The following TTC34 variants were observed in gnomAD, a reference collection of about 807,000 sequenced individuals.
TTC34 encodes tetratricopeptide repeat protein 34.
TTC34 carries 44 observed loss-of-function variants against 40.7 expected under a neutral mutation model. That is an observed-to-expected ratio of 1.08 (90% CI 0.85 to 1.39). TTC34 has a LOEUF of 1.39. Ranked by LOEUF, TTC34 falls within the 40% of genes most tolerant of loss-of-function variation. TTC34 has a pLI of 0.00. For missense variants in TTC34, 884 were observed against 838.0 expected (o/e 1.05, Z -0.68); for synonymous variants, 422 against 398.6 (o/e 1.06, Z -0.70).
rs1436895589 is a variant in TTC34, at chr1:2,681,627, C to T, written c.2227-36064G>A. 5.3e-5 allele frequency among the ~76,000 whole-genome samples: 4 copies of T among 75,930 alleles called. 2 individuals carry two copies. The highest frequency in any genetic ancestry group is 2.5e-4 in the Admixed American group (2 of 7,946). The allele number at this position is 75,930 out of a possible 152,430, so 49.8% of individuals were successfully genotyped here. Reference sequence around the variant, plus strand: ...GACAGCCTGGAACCGCAGCCACACCCCCAGCGAGCACCTGACAGCCTGGAG... The same window carrying T: ...GACAGCCTGGAACCGCAGCCACACCTCCAGCGAGCACCTGACAGCCTGGAG... On this transcript the variant is annotated intron_variant, in intron 6 of 8. Coordinates refer to ENST00000401095, the Ensembl canonical transcript of TTC34.
chr1:2,788,733 T>C (rs1455710247), intron 3 of TTC34, among the ~76,000 whole-genome samples: 2 of 152,176 alleles, frequency 1.3e-5, no homozygotes, highest in Non-Finnish European at 2.9e-5. Flanking sequence ...ACCCGGGAAC[T>C]GCATGCCTGT....
intron 6 of TTC34, among the ~76,000 whole-genome samples, chr1:2,749,401 CA>C (rs1641244015): frequency 1.0e-5 from 1 of 98,658 alleles, no homozygotes; most frequent in Non-Finnish European, 2.0e-5. Flanking sequence ...CAGCACCCTG[CA>C]CCCCCAGGTG....
At chr1:2,751,446 C>CA (rs1641316373) in intron 6 of TTC34, among the ~76,000 whole-genome samples, 2 of 39,398 alleles carry the variant, frequency 5.1e-5, no homozygotes, top group Admixed American at 3.8e-4. Flanking sequence ...AGAGCCCAGA[C>CA]CCCCAGGTGA....
At chr1:2,779,532 C>T (rs891811784) in intron 6 of TTC34, among the ~76,000 whole-genome samples, 9 of 152,018 alleles carry the variant, frequency 5.9e-5, no homozygotes, top group African/African-American at 2.2e-4. Flanking sequence ...ACCGTGTTAG[C>T]CAGGATGGTC....
chr1:2,748,712 A>C (rs1315555945), intron 6 of TTC34, among the ~76,000 whole-genome samples: 23 of 1,452 alleles, frequency 0.016, no homozygotes, highest in African/African-American at 0.024. Context: ...CCTGGAACAG[A>C]ACCCACACCT....
At chr1:2,641,702 C>T (rs934450401) in exon 9 of TTC34, 5 of 1,535,418 alleles carry the variant, frequency 3.3e-6, no homozygotes, top group Non-Finnish European at 3.5e-6. Flanking sequence ...GTCACCATCC[C>T]CCAGCGCCTC....
chr1:2,756,819 A>T (rs1641522583), intron 6 of TTC34, among the ~76,000 whole-genome samples: 1 of 151,542 alleles, frequency 6.6e-6, no homozygotes. Flanking sequence ...CTGGAGCAGA[A>T]CCCACACCCC....
exon 3 of TTC34, chr1:2,790,335 C>T (rs971994031): frequency 2.8e-5 from 11 of 398,338 alleles, no homozygotes; most frequent in African/African-American, 4.1e-5. Flanking sequence ...AGCAGGGCGG[C>T]TCGGCGCTCA....
chr1:2,755,699 C>A (rs1255362614), intron 6 of TTC34, among the ~76,000 whole-genome samples: 1 of 9,526 alleles, frequency 1.0e-4, no homozygotes, highest in Admixed American at 1.3e-3. Flanking sequence ...AGCAGCACCC[C>A]AAACCCACAG....
At chr1:2,698,942 A>AGCACCCTGCACTCCCCAGTTGAGCC (rs1335447536) in intron 6 of TTC34, among the ~76,000 whole-genome samples, 1 of 98,724 alleles carries the variant, frequency 1.0e-5, no homozygotes, top group Non-Finnish European at 2.4e-5. Flanking sequence ...TCAGGTGAGC[A>AGCACCCTGCACTCCCCAGTTGAGCC]TCTGACAGCC....
intron 6 of TTC34, among the ~76,000 whole-genome samples, chr1:2,652,474 A>G (rs796568735): frequency 1.7e-3 from 85 of 50,880 alleles, no homozygotes; most frequent in South Asian, 4.9e-3. Context: ...AGCCTGGAGC[A>G]GAACCCACAC....
chr1:2,676,879 AC>A (rs1365273232), intron 6 of TTC34, among the ~76,000 whole-genome samples: 3 of 48,434 alleles, frequency 6.2e-5, no homozygotes, highest in African/African-American at 2.3e-4. Flanking sequence ...GTGGAGCCGC[AC>A]CCCACACCCA....
At chr1:2,643,130 G>A (rs1165743372) in intron 8 of TTC34, among the ~76,000 whole-genome samples, 3 of 152,170 alleles carry the variant, frequency 2.0e-5, no homozygotes, top group Admixed American at 6.5e-5. Context: ...GAGCCCCCAG[G>A]CCGCCCCAGT....
chr1:2,660,775 T>C (rs1235798971), intron 6 of TTC34, among the ~76,000 whole-genome samples: 12 of 137,734 alleles, frequency 8.7e-5, no homozygotes, highest in East Asian at 2.3e-4. Context: ...TCTGACAGAC[T>C]GGAGCAGCAC....
intron 6 of TTC34, among the ~76,000 whole-genome samples, chr1:2,683,529 G>GAT (rs1640177182): frequency 6.7e-6 from 1 of 149,224 alleles, no homozygotes; most frequent in Non-Finnish European, 1.5e-5. Context: ...GTGAGCATCT[G>GAT]ATGGTCTGGA....
chr1:2,656,385 A>C (rs1365604022), intron 6 of TTC34, among the ~76,000 whole-genome samples: 552 of 2,372 alleles, frequency 0.23, 173 homozygotes, highest in Middle Eastern at 0.5. Context: ...CCCACAGGTG[A>C]GCATCTGACA....
chr1:2,753,015 C>T (rs1231906783), intron 6 of TTC34, among the ~76,000 whole-genome samples: 33 of 122,558 alleles, frequency 2.7e-4, no homozygotes, highest in African/African-American at 9.9e-4. Flanking sequence ...GCATCCTCAC[C>T]TCCAGGTGAG....
intron 3 of TTC34, 81 bp from the exon 4 acceptor site, chr1:2,787,787 C>T: frequency 8.1e-7 from 1 of 1,233,138 alleles, no homozygotes; most frequent in South Asian, 1.6e-5. Context: ...GTGGGGAAAT[C>T]CCGTCTCCAT....
At chr1:2,748,327 G>C (rs1430014147) in intron 6 of TTC34, among the ~76,000 whole-genome samples, 1 of 131,278 alleles carries the variant, frequency 7.6e-6, no homozygotes, top group Non-Finnish European at 1.6e-5. Flanking sequence ...CACCCCCAGG[G>C]GAGCATCTGA....
Sources: gnomAD v4.1 joint callset for allele counts (sites outside exome capture counted in the v4.1 genomes callset) on GRCh38, gnomAD v4.1.1 for gene constraint, MANE v1.5 for transcripts, NCBI Gene and HGNC (gene_info 2026-07-23, HGNC 2026-07-21) for gene names.